Variants in SLC13A1 observed in about 807,000 individuals in gnomAD.
SLC13A1 encodes the protein Na(+)/sulfate cotransporter.
In SLC13A1, 65 loss-of-function variants were observed where a neutral mutation model predicts 70.0. The observed-to-expected ratio is 0.93, with a 90% CI of 0.76 to 1.14. SLC13A1 has a LOEUF of 1.14. Among genes scored for constraint, SLC13A1 ranks in the 50% most tolerant of loss-of-function variants. The pLI is 0.00. For missense variants in SLC13A1, 726 were observed against 717.8 expected, an observed-to-expected ratio of 1.01 and a Z score of -0.13; for synonymous variants, 275 against 250.5, an observed-to-expected ratio of 1.10 and a Z score of -0.92.
Position 123,147,324 on chromosome 7 carries a change from A to G in SLC13A1, c.661-14T>C, listed in dbSNP as rs1485305018. On this transcript the variant is annotated splice_polypyrimidine_tract_variant and intron_variant, in intron 6 of 14. Transcript: ENST00000194130. ...CATGCCTGAGTTCTGTTCAACAACA[A>G]CAAAAAACTACCATGAGAACTGCTC... 4 of 1,612,136 alleles carry G rather than the reference A, an allele frequency of 2.5e-6. No homozygotes were observed. The highest frequency in any genetic ancestry group is 1.7e-5 in the Admixed American group (1 of 59,844).
At position 123,133,623 on chromosome 7, in the gene SLC13A1, C is replaced by T. The variant is rs574899040; in HGVS notation, c.932+787G>A. On this transcript the variant is annotated intron_variant, in intron 8 of 14. Transcript: ENST00000194130. ...CGAGATCTTGGCTCACTGCAACCTCCGCCTCCCGGGTTCAAGCAATTCTCC... is the reference window on the plus strand; with the variant it reads ...CGAGATCTTGGCTCACTGCAACCTCTGCCTCCCGGGTTCAAGCAATTCTCC... Among the ~76,000 whole-genome samples, 142 of 152,124 alleles carry T rather than the reference C, an allele frequency of 9.3e-4. 1 individual carries two copies. In the South Asian group the frequency reaches 0.025, roughly 27 times the overall value.
At position 123,117,478 on chromosome 7, in the gene SLC13A1, A is replaced by G. The variant is rs369867445; in HGVS notation, c.1643T>C (p.Ile548Thr). 1.9e-5 allele frequency: 30 copies of G among 1,613,166 alleles called. No individual in the cohort carries two copies. Among genetic ancestry groups the G allele is most frequent in the African/African-American group, 2.7e-5 (2 of 74,880 alleles). Residue 548 changes from isoleucine to threonine, a missense_variant, in exon 14 of 15, where the codon ATT becomes ACT. Physicochemically the swap from Ile to Thr is moderately conservative, Grantham distance 89. Transcript: ENST00000194130. ...TTTTTTCAGCTAACTCACCATGTCA[A>G]TGACTTTCAGATGACCATATGAAAA... Reference protein sequence around the residue: ...IVFSYGHLKVIDMVKAGLGVN... With the variant: ...IVFSYGHLKVTDMVKAGLGVN...
At chr7:123,173,534 C>T (rs1217083591) in intron 2 of SLC13A1, among the ~76,000 whole-genome samples, 1 of 151,626 alleles carries the variant, frequency 6.6e-6, no homozygotes, top group Non-Finnish European at 1.5e-5. Flanking sequence ...CTCTTTGCAC[C>T]TCTTCAATTC....
At chr7:123,151,160 C>T (rs1332826036) in intron 6 of SLC13A1, among the ~76,000 whole-genome samples, 1 of 151,730 alleles carries the variant, frequency 6.6e-6, no homozygotes, top group Non-Finnish European at 1.5e-5. Flanking sequence ...CCTGTCTCTA[C>T]TAAAAATACA....
chr7:123,129,587 C>T, intron 8 of SLC13A1, 106 bp from the exon 9 acceptor site: 1 of 770,000 alleles, frequency 1.3e-6, no homozygotes, highest in South Asian at 1.5e-5. Context: ...ATATGAATCT[C>T]CCTTCATGCA....
intron 1 of SLC13A1, among the ~76,000 whole-genome samples, chr7:123,193,245 A>T (rs1050553014): frequency 6.6e-6 from 1 of 152,124 alleles, no homozygotes; most frequent in Non-Finnish European, 1.5e-5. Context: ...TCTCAGGTGA[A>T]TCTGGGGAAG....
At chr7:123,165,010 G>C (rs947747299) in intron 6 of SLC13A1, among the ~76,000 whole-genome samples, 1 of 151,676 alleles carries the variant, frequency 6.6e-6, no homozygotes, top group Non-Finnish European at 1.5e-5. Flanking sequence ...AAGATCAAAA[G>C]ATTATGAATA....
chr7:123,131,212 A>C (rs1043883221), intron 8 of SLC13A1, among the ~76,000 whole-genome samples: 13 of 152,212 alleles, frequency 8.5e-5, no homozygotes, highest in African/African-American at 3.1e-4. Flanking sequence ...ATTGCTTTTT[A>C]CAATCTCAGT....
intron 7 of SLC13A1, among the ~76,000 whole-genome samples, chr7:123,140,282 G>A (rs1794090592): frequency 6.6e-6 from 1 of 151,924 alleles, no homozygotes; most frequent in Admixed American, 6.6e-5. Flanking sequence ...AGGGATAAAT[G>A]CCATTTGGTC....
At chr7:123,171,995 G>C (rs974497714) in intron 2 of SLC13A1, 91 bp from the exon 3 acceptor site, 3 of 1,173,412 alleles carry the variant, frequency 2.6e-6, no homozygotes, top group Non-Finnish European at 3.6e-6. Context: ...TCTTAATTTT[G>C]ACCTTCAACC....
rs190308475 is a variant in SLC13A1, at chr7:123,162,940, A to G, written c.660+5434T>C. Among the ~76,000 whole-genome samples the G allele has an allele frequency of 1.2e-4, 19 of 152,180 alleles. No individual in the cohort carries two copies. In the East Asian group the frequency reaches 3.3e-3, roughly 26 times the overall value. ...ACAACTTATATTAAACTAATGAAAA[A>G]CAATTATCTCAGATTTTTCATTAAA... is the stretch of plus-strand genomic sequence containing the variant. On this transcript the variant is annotated intron_variant, in intron 6 of 14. Transcript: ENST00000194130.
intron 8 of SLC13A1, among the ~76,000 whole-genome samples, chr7:123,130,779 T>C (rs1793730201): frequency 6.6e-6 from 1 of 152,208 alleles, no homozygotes; most frequent in Non-Finnish European, 1.5e-5. Context: ...TCTTTACTCA[T>C]ATGTCCTAAT....
At chr7:123,127,359 G>T (rs1236782282) in intron 10 of SLC13A1, among the ~76,000 whole-genome samples, 1 of 151,962 alleles carries the variant, frequency 6.6e-6, no homozygotes, top group African/African-American at 2.4e-5. Flanking sequence ...TGATTATATT[G>T]AATTACCTAT....
chr7:123,115,692 A>C, intron 14 of SLC13A1, 37 bp from the exon 15 acceptor site: 2 of 1,609,916 alleles, frequency 1.2e-6, no homozygotes, highest in Non-Finnish European at 1.7e-6. Flanking sequence ...AGTGTCCCAG[A>C]AGAAAGCCTA....
chr7:123,133,515 G>A (rs1422767813), intron 8 of SLC13A1, among the ~76,000 whole-genome samples: 1 of 151,978 alleles, frequency 6.6e-6, no homozygotes, highest in Non-Finnish European at 1.5e-5. Context: ...TAGATTATTT[G>A]TTTTCTAATC....
Position 123,134,568 on chromosome 7 carries a change from AC to A in SLC13A1, c.813-40del. 4 of 1,596,378 alleles carry A rather than the reference AC, an allele frequency of 2.5e-6. No homozygotes were observed. The Admixed American group carries it at 6.8e-5, about 27-fold the overall frequency. On this transcript the variant is annotated intron_variant, in intron 7 of 14. Transcript: ENST00000194130. ...TGGAGACGTGTTCAGGGATGGAGAG[AC>A]AGGTGGAATCCTTTCTGATTGTCAC...
At chr7:123,191,841 T>G (rs1585411071) in intron 1 of SLC13A1, among the ~76,000 whole-genome samples, 1 of 152,308 alleles carries the variant, frequency 6.6e-6, no homozygotes, top group South Asian at 2.1e-4. Context: ...TCAGAGTATA[T>G]ATTTTTAAAA....
chr7:123,181,833 A>C (rs1033244498), intron 1 of SLC13A1, among the ~76,000 whole-genome samples: 1 of 152,120 alleles, frequency 6.6e-6, no homozygotes, highest in African/African-American at 2.4e-5. Context: ...GCAGCTATCA[A>C]ATGGTGCTAT....
chr7:123,178,266 G>A (rs1218599124), intron 2 of SLC13A1, among the ~76,000 whole-genome samples: 1 of 151,932 alleles, frequency 6.6e-6, no homozygotes, highest in Non-Finnish European at 1.5e-5. Flanking sequence ...TTTAGGATTG[G>A]CTTAATAAAC....
Sources: gnomAD v4.1 joint callset for allele counts (sites outside exome capture counted in the v4.1 genomes callset) on GRCh38, gnomAD v4.1.1 for gene constraint, MANE v1.5 for transcripts, NCBI Gene and HGNC (gene_info 2026-07-23, HGNC 2026-07-21) for gene names.